KIAA1217: variants seen among roughly 807,000 people sequenced by gnomAD.
The protein encoded by KIAA1217 is sickle tail protein homolog.
KIAA1217 carries 88 observed loss-of-function variants against 163.9 expected under a neutral mutation model. That is an observed-to-expected ratio of 0.54 (90% CI 0.45 to 0.64). KIAA1217 has a LOEUF of 0.64. Ranked by LOEUF, KIAA1217 falls within the 30% of genes least tolerant of loss-of-function variation. KIAA1217 has a pLI of 0.00. For synonymous variants in KIAA1217, 903 were observed against 923.1 expected, an observed-to-expected ratio of 0.98 and a Z score of 0.39; for missense variants, 2,372 against 2,475.0, an observed-to-expected ratio of 0.96 and a Z score of 0.88.
Position 24,544,202 on chromosome 10 carries a change from C to G in KIAA1217, c.4932C>G (p.Pro1644=), listed in dbSNP as rs749984908. Residue 1644 remains proline, a synonymous_variant, in exon 19 of 21, where the codon CCC becomes CCG. Transcript: ENST00000376454. ...PENTVRRQEQ[P]SIESTSPISR... ...ACACAGTGAGGAGGCAAGAGCAGCC[C>G]AGCATCGAGAGTACATCTCCGATTT... 6.2e-7 allele frequency: 1 copy of G among 1,614,048 alleles called. No homozygotes were observed. The highest frequency in any genetic ancestry group is 2.2e-5 in the East Asian group (1 of 44,862).
At chr10:23,846,257 A>G (rs896167362) in intron 1 of KIAA1217, among the ~76,000 whole-genome samples, 1 of 152,148 alleles carries the variant, frequency 6.6e-6, no homozygotes, top group Non-Finnish European at 1.5e-5. Flanking sequence ...AGTGTTTTCC[A>G]ATTCCTTGAA....
rs367638031 is a variant in KIAA1217, at chr10:23,900,427, G to A, written c.-320-106798G>A. On this transcript the variant is annotated intron_variant, in intron 1 of 18. Coordinates refer to the KIAA1217 transcript ENST00000376462. Reference sequence around the variant, plus strand: ...TTGGATATTTGTGAGGGATTTCCTGGCATTTATCAGCCAAGAACCAGAGAT... The same window carrying A: ...TTGGATATTTGTGAGGGATTTCCTGACATTTATCAGCCAAGAACCAGAGAT... Among the ~76,000 whole-genome samples the A allele has an allele frequency of 3.9e-5, 6 of 151,942 alleles. No homozygotes were observed. In the East Asian group the frequency reaches 5.8e-4, roughly 15 times the overall value.
chr10:23,727,331 T>C (rs1368561844), intron 1 of KIAA1217, among the ~76,000 whole-genome samples: 1 of 146,728 alleles, frequency 6.8e-6, no homozygotes, highest in African/African-American at 2.6e-5. Context: ...GAGGCCAAGG[T>C]GGGTGGATCA....
intron 1 of KIAA1217, among the ~76,000 whole-genome samples, chr10:23,698,641 T>C (rs1836205618): frequency 6.6e-6 from 1 of 152,214 alleles, no homozygotes; most frequent in Admixed American, 6.5e-5. Context: ...ATGAGAAAAC[T>C]GGAGCCAAAA....
At chr10:24,294,731 A>C (rs1266424954) in intron 2 of KIAA1217, among the ~76,000 whole-genome samples, 2 of 152,200 alleles carry the variant, frequency 1.3e-5, no homozygotes, top group African/African-American at 2.4e-5. Context: ...TAAGATCTCC[A>C]TTTAGTCTTC....
At chr10:24,013,355 A>G (rs1449239512) in intron 2 of KIAA1217, among the ~76,000 whole-genome samples, 1 of 151,656 alleles carries the variant, frequency 6.6e-6, no homozygotes, top group Non-Finnish European at 1.5e-5. Flanking sequence ...TGTTATTTCA[A>G]TATACATCTA....
At chr10:24,211,869 C>T (rs2068169829) in intron 1 of KIAA1217, among the ~76,000 whole-genome samples, 1 of 151,780 alleles carries the variant, frequency 6.6e-6, no homozygotes, top group African/African-American at 2.4e-5. Context: ...GCCTGGGCAG[C>T]ATAGTGAGAC....
At chr10:24,483,664 G>A (rs1349248416) in intron 6 of KIAA1217, among the ~76,000 whole-genome samples, 1 of 152,120 alleles carries the variant, frequency 6.6e-6, no homozygotes, top group East Asian at 1.9e-4. Context: ...CCACTCAAGA[G>A]ACCATCTCTC....
At chr10:23,941,028 GC>G (rs1394356867) in intron 1 of KIAA1217, among the ~76,000 whole-genome samples, 8 of 152,134 alleles carry the variant, frequency 5.3e-5, no homozygotes, top group Admixed American at 4.6e-4. Flanking sequence ...CTGTCTGCAG[GC>G]GCCTGCAGAG....
rs112005128 is a variant in KIAA1217 at position 23,823,402 on chromosome 10, C to T, written c.-321+128168C>T. Among the ~76,000 whole-genome samples, 802 of 152,322 alleles carry T rather than the reference C, an allele frequency of 5.3e-3. 10 individuals carry two copies. Among genetic ancestry groups the T allele is most frequent in the African/African-American group, 0.017 (716 of 41,576 alleles). ...CCAGCAAAAGTTTGAGTCCTTCTTA[C>T]GCTTAGAATCTCTGACTTCCTCTTT... On this transcript the variant is annotated intron_variant, in intron 1 of 18. Coordinates refer to the KIAA1217 transcript ENST00000376462.
At chr10:24,470,934 C>T (rs921942028) in intron 5 of KIAA1217, among the ~76,000 whole-genome samples, 6 of 152,242 alleles carry the variant, frequency 3.9e-5, no homozygotes, top group African/African-American at 7.2e-5. Flanking sequence ...TTCTTATCTA[C>T]GAAGTTTAAG....
chr10:23,746,655 C>A (rs1281700299), intron 1 of KIAA1217, among the ~76,000 whole-genome samples: 1 of 152,036 alleles, frequency 6.6e-6, no homozygotes, highest in African/African-American at 2.4e-5. Context: ...GATCTCCTGA[C>A]CTTGTGATCC....
chr10:24,340,778 G>GC (rs145995415), intron 2 of KIAA1217, among the ~76,000 whole-genome samples: 324 of 152,306 alleles, frequency 2.1e-3, no homozygotes, highest in African/African-American at 7.0e-3. Context: ...GTAATTGACT[G>GC]CCCCACGTTT....
chr10:23,859,839 C>T (rs543770341), intron 1 of KIAA1217, among the ~76,000 whole-genome samples: 1 of 151,388 alleles, frequency 6.6e-6, no homozygotes, highest in Admixed American at 6.6e-5. Context: ...AATGACTTTG[C>T]TGTGATCCCT....
chr10:24,307,571 T>C (rs185938671), intron 2 of KIAA1217, among the ~76,000 whole-genome samples: 1 of 149,930 alleles, frequency 6.7e-6, no homozygotes, highest in Admixed American at 6.7e-5. Context: ...AATCCAGGAG[T>C]TTGAGACCAG....
chr10:23,714,672 G>T (rs1474593790), intron 1 of KIAA1217, among the ~76,000 whole-genome samples: 2 of 152,098 alleles, frequency 1.3e-5, no homozygotes, highest in East Asian at 3.9e-4. Flanking sequence ...ACTGTTCCAA[G>T]AAGTCTTGAG....
chr10:23,825,917 G>A (rs966370069), intron 1 of KIAA1217, among the ~76,000 whole-genome samples: 2 of 152,132 alleles, frequency 1.3e-5, no homozygotes, highest in Non-Finnish European at 2.9e-5. Context: ...AACCTGGGGT[G>A]GTGGGGAGGA....
At chr10:23,714,668 C>G (rs12269611) in intron 1 of KIAA1217, among the ~76,000 whole-genome samples, 26 of 152,042 alleles carry the variant, frequency 1.7e-4, no homozygotes, top group African/African-American at 6.3e-4. Context: ...TGTGACTGTT[C>G]CAAGAAGTCT....
At chr10:23,758,686 C>CTTTTTT (rs34055872) in intron 1 of KIAA1217, among the ~76,000 whole-genome samples, 3 of 59,874 alleles carry the variant, frequency 5.0e-5, no homozygotes, top group Middle Eastern at 0.012. Flanking sequence ...TTCTTTCTTT[C>CTTTTTT]TTTTTTTTTT....
Sources: gnomAD v4.1 joint callset for allele counts (sites outside exome capture counted in the v4.1 genomes callset) on GRCh38, gnomAD v4.1.1 for gene constraint, MANE v1.5 for transcripts, NCBI Gene and HGNC (gene_info 2026-07-23, HGNC 2026-07-21) for gene names.